PLD1: variants seen among roughly 807,000 people sequenced by gnomAD.
PLD1 encodes choline phosphatase 1.
PLD1 carries 112 observed loss-of-function variants against 137.1 expected under a neutral mutation model. The ratio of observed to expected loss-of-function variants is 0.82; its 90% CI spans 0.70 to 0.96. The LOEUF (loss-of-function observed/expected upper bound fraction) is 0.96, where lower values mean the gene tolerates loss of function less well. Among genes scored for constraint, PLD1 ranks in the 40% least tolerant of loss-of-function variants. The pLI, the probability that PLD1 is intolerant of heterozygous loss-of-function variation, is 0.00. For missense variants in PLD1, 1,321 were observed against 1,342.0 expected (o/e 0.98, Z 0.24); for synonymous variants, 431 against 454.7 (o/e 0.95, Z 0.66).
chr3:171,751,654 G>A (rs1231111097), intron 1 of PLD1, among the ~76,000 whole-genome samples: 2 of 152,120 alleles, frequency 1.3e-5, no homozygotes, highest in African/African-American at 2.4e-5. Flanking sequence ...ACAATGTATT[G>A]GTGAGGAAAT....
At chr3:171,720,486 G>C (rs994718755) in intron 8 of PLD1, among the ~76,000 whole-genome samples, 3 of 151,662 alleles carry the variant, frequency 2.0e-5, no homozygotes, top group African/African-American at 7.3e-5. Context: ...GAGAGCCTGA[G>C]GCAGGAGAAC....
chr3:171,726,777 A>G (rs1484709483), intron 6 of PLD1, among the ~76,000 whole-genome samples: 2 of 152,198 alleles, frequency 1.3e-5, no homozygotes, highest in Non-Finnish European at 2.9e-5. Context: ...AGTGCTAACT[A>G]TGAGTTGGTG....
At chr3:171,659,793 C>T (rs994581837) in intron 20 of PLD1, among the ~76,000 whole-genome samples, 2 of 152,132 alleles carry the variant, frequency 1.3e-5, no homozygotes, top group African/African-American at 4.8e-5. Flanking sequence ...TCTGCTTTCA[C>T]CTTGTCTTGT....
At chr3:171,792,529 T>G (rs1050825058) in intron 1 of PLD1, 2 of 455,018 alleles carry the variant, frequency 4.4e-6, no homozygotes, top group Admixed American at 4.7e-5. Context: ...AAGGTCTCGC[T>G]GAGCAAACCA....
chr3:171,764,129 G>A (rs911968167), intron 1 of PLD1, among the ~76,000 whole-genome samples: 6 of 151,996 alleles, frequency 3.9e-5, no homozygotes, highest in African/African-American at 1.2e-4. Context: ...ATGCCACCAC[G>A]TCCAGCTAAT....
rs541133670 is a variant in PLD1, at chr3:171,688,662, T to C, written c.1539+14A>G. 115 of 1,587,156 alleles carry C rather than the reference T, an allele frequency of 7.2e-5. 2 individuals are homozygous for C. In the South Asian group the frequency reaches 1.2e-3, roughly 16 times the overall value. Reference sequence around the variant, plus strand: ...TTCGTGTTATACATTTCCATAAAGGTTAAATATACTTACTGGGAGGGAACC... The same window carrying C: ...TTCGTGTTATACATTTCCATAAAGGCTAAATATACTTACTGGGAGGGAACC... On this transcript the variant is annotated intron_variant, in intron 14 of 26. Transcript: ENST00000351298.
At chr3:171,722,231 A>T (rs1365121705) in intron 8 of PLD1, among the ~76,000 whole-genome samples, 1 of 152,222 alleles carries the variant, frequency 6.6e-6, no homozygotes, top group African/African-American at 2.4e-5. Context: ...AGTTGGTAAG[A>T]CGTAAGATAT....
At chr3:171,642,150 G>T (rs1735808467) in intron 23 of PLD1, among the ~76,000 whole-genome samples, 1 of 152,046 alleles carries the variant, frequency 6.6e-6, no homozygotes, top group African/African-American at 2.4e-5. Flanking sequence ...CTAGGTAGAA[G>T]AATCAATTAA....
intron 1 of PLD1, among the ~76,000 whole-genome samples, chr3:171,777,437 A>G (rs1355902018): frequency 1.3e-5 from 2 of 152,094 alleles, no homozygotes; most frequent in Non-Finnish European, 2.9e-5. Context: ...GCCCTTGATG[A>G]TTTACCTTCT....
chr3:171,771,639 A>G (rs189605027), intron 1 of PLD1, among the ~76,000 whole-genome samples: 9 of 152,376 alleles, frequency 5.9e-5, no homozygotes, highest in African/African-American at 2.2e-4. Flanking sequence ...GCAAGGGGAT[A>G]CAGTCTGCCC....
In PLD1 at chr3:171,734,957, T is replaced by A; in HGVS notation, c.448A>T (p.Arg150Trp). 6.2e-7 allele frequency: 1 copy of A among 1,606,960 alleles called. No individual in the cohort carries two copies. ...CGAGGCTCCTCTCTGACGTTTTGCCTCCTAAACGTGTGTCTAAAACACAAA... is the reference window on the plus strand; with the variant it reads ...CGAGGCTCCTCTCTGACGTTTTGCCACCTAAACGTGTGTCTAAAACACAAA... ...PIPTRRHTFRRQNVREEPREM... is the reference protein window; with the variant it reads ...PIPTRRHTFRWQNVREEPREM... Residue 150 changes from arginine (R) to tryptophan (W), a missense_variant, in exon 5 of 27, where the codon AGG becomes TGG. Arg to Trp is a moderately radical substitution (Grantham distance 101). Transcript: ENST00000351298.
intron 24 of PLD1, among the ~76,000 whole-genome samples, chr3:171,618,720 ATGTGTGTGTGTGTGTG>A (rs199668732): frequency 2.1e-5 from 3 of 140,658 alleles, no homozygotes; most frequent in Non-Finnish European, 4.8e-5. Context: ...AAAAGTGTGT[ATGTGTGTGTGTGTGTG>A]TGTGTGTGTG....
rs564797083 is a variant in PLD1 at position 171,699,599 on chromosome 3, A to G, written c.1227+146T>C. On this transcript the variant is annotated intron_variant, in intron 12 of 26. Transcript: ENST00000351298. ...AAGCAATAGGAATAAAATAGAACCA[A>G]ATGAACTGGAAAACATTAGTTATCC... 623 of 654,360 alleles carry G rather than the reference A, an allele frequency of 9.5e-4. 1 individual carries two copies. The highest frequency in any genetic ancestry group is 1.4e-3 in the Non-Finnish European group (513 of 370,222). The allele number at this position is 654,360 out of a possible 1,614,324, so 40.5% of individuals were successfully genotyped here. A position where few individuals can be genotyped will look rare whatever the true frequency, so the allele number is the denominator to read the frequency against.
At chr3:171,717,178 T>C (rs187459894) in intron 8 of PLD1, among the ~76,000 whole-genome samples, 36 of 152,358 alleles carry the variant, frequency 2.4e-4, no homozygotes, top group Admixed American at 7.8e-4. Context: ...TGGCATTGCC[T>C]TGGCTATTCA....
chr3:171,800,983 G>T (rs928819775), intron 1 of PLD1, among the ~76,000 whole-genome samples: 2 of 152,152 alleles, frequency 1.3e-5, no homozygotes, highest in Non-Finnish European at 2.9e-5. Flanking sequence ...TGAATTTGAG[G>T]AAGACAAATA....
intron 1 of PLD1, among the ~76,000 whole-genome samples, chr3:171,787,827 G>C (rs1723066308): frequency 6.7e-6 from 1 of 149,560 alleles, no homozygotes; most frequent in South Asian, 2.1e-4. Flanking sequence ...GATATTATTA[G>C]AACCAACTTG....
At chr3:171,603,650 C>T (rs964233612) in intron 26 of PLD1, among the ~76,000 whole-genome samples, 2 of 152,146 alleles carry the variant, frequency 1.3e-5, no homozygotes, top group African/African-American at 4.8e-5. Context: ...TTTTCCCTAA[C>T]TTTTCTTGAA....
In PLD1 at chr3:171,687,422, T is replaced by A; in HGVS notation, c.1702A>T (p.Arg568Trp). The change falls in exon 15 of 27, where the codon AGG becomes TGG. Residue 568 changes from arginine to tryptophan, a missense_variant. By Grantham distance (101) the Arg-to-Trp change is moderately radical (BLOSUM62 -3). Transcript: ENST00000351298. ...CTATCTGCGTCGTGCAGGTGGTGCC[T>A]GTGGAGCTGCTTGTAGAGACTAAAT... is the stretch of plus-strand genomic sequence containing the variant. ...SKFSLYKQLHRHHLHDADSIS... is the reference protein window; with the variant it reads ...SKFSLYKQLHWHHLHDADSIS... 1 of 1,614,178 alleles carries A rather than the reference T, an allele frequency of 6.2e-7. No individual in the cohort carries two copies.
At chr3:171,686,357 C>A (rs1714558439) in intron 16 of PLD1, among the ~76,000 whole-genome samples, 1 of 152,078 alleles carries the variant, frequency 6.6e-6, no homozygotes, top group Non-Finnish European at 1.5e-5. Context: ...AGGCCTAACC[C>A]AAATGTCCCC....
Sources: allele counts gnomAD v4.1 joint callset (sites outside exome capture counted in the v4.1 genomes callset), GRCh38; gene constraint gnomAD v4.1.1; transcripts MANE v1.5; gene names NCBI Gene and HGNC (gene_info 2026-07-23, HGNC 2026-07-21).